Variants in PRR16 observed in about 807,000 individuals in gnomAD.
PRR16 encodes protein Largen.
PRR16 carries 6 observed loss-of-function variants against 18.2 expected under a neutral mutation model. The observed-to-expected ratio is 0.33, with a 90% CI of 0.18 to 0.65. The LOEUF is 0.65. Among genes scored for constraint, PRR16 ranks in the 30% least tolerant of loss-of-function variants. The pLI, the probability that PRR16 is intolerant of heterozygous loss-of-function variation, is 0.74. For missense variants in PRR16, 412 were observed against 376.6 expected (o/e 1.09, Z -0.78); for synonymous variants, 151 against 147.8 (o/e 1.02, Z -0.16).
At chr5:120,649,990 T>G (rs1755719768) in intron 1 of PRR16, among the ~76,000 whole-genome samples, 1 of 151,910 alleles carries the variant, frequency 6.6e-6, no homozygotes, top group Admixed American at 6.6e-5. Context: ...GAGGCCTAGG[T>G]GGGCAGATCA....
chr5:120,550,644 GA>G (rs1752224454), intron 1 of PRR16, among the ~76,000 whole-genome samples: 1 of 151,946 alleles, frequency 6.6e-6, no homozygotes, highest in African/African-American at 2.4e-5. Context: ...TTCCCCACTG[GA>G]AAATAGAAAC....
the PRR16 span, among the ~76,000 whole-genome samples, chr5:120,759,794 A>T: frequency 2.0e-5 from 3 of 152,030 alleles, no homozygotes; most frequent in Admixed American, 2.0e-4. Flanking sequence ...TGACCTAAGT[A>T]ATTTTGGATA....
chr5:120,628,838 T>C (rs1281403361), intron 1 of PRR16, among the ~76,000 whole-genome samples: 2 of 152,066 alleles, frequency 1.3e-5, no homozygotes, highest in Non-Finnish European at 2.9e-5. Context: ...TTGTTTGAAA[T>C]AAACACATAT....
chr5:120,708,622 G>A, the PRR16 span, among the ~76,000 whole-genome samples: 30 of 152,196 alleles, frequency 2.0e-4, no homozygotes, highest in Admixed American at 4.6e-4. Context: ...ATTTTATGAA[G>A]TAAGTGTACA....
At chr5:120,530,639 A>G (rs1372344209) in intron 1 of PRR16, among the ~76,000 whole-genome samples, 1 of 152,172 alleles carries the variant, frequency 6.6e-6, no homozygotes, top group Non-Finnish European at 1.5e-5. Context: ...ATGGTCATAA[A>G]GCAGCATATT....
At chr5:120,705,279 C>A in the PRR16 span, among the ~76,000 whole-genome samples, 2 of 151,934 alleles carry the variant, frequency 1.3e-5, no homozygotes, top group Non-Finnish European at 2.9e-5. Flanking sequence ...TCTGATGGTG[C>A]AGTTAAGCTA....
At chr5:120,682,576 C>T (rs2150154684) in intron 1 of PRR16, among the ~76,000 whole-genome samples, 1 of 152,250 alleles carries the variant, frequency 6.6e-6, no homozygotes, top group South Asian at 2.1e-4. Context: ...CCTGTTTTCT[C>T]TCATTTGCTG....
At chr5:120,663,696 T>C (rs1190705986) in intron 1 of PRR16, among the ~76,000 whole-genome samples, 1 of 152,204 alleles carries the variant, frequency 6.6e-6, no homozygotes, top group East Asian at 1.9e-4. Context: ...CTCTCTGTTA[T>C]ACACATTCAT....
chr5:120,755,534 T>C, the PRR16 span, among the ~76,000 whole-genome samples: 40,566 of 152,014 alleles, frequency 0.27, 5,677 homozygotes, highest in Non-Finnish European at 0.31. Flanking sequence ...TCTCTAGCTG[T>C]GTCCATGTTA....
chr5:120,517,270 C>T (rs569340137), intron 1 of PRR16, among the ~76,000 whole-genome samples: 2 of 152,122 alleles, frequency 1.3e-5, no homozygotes, highest in Admixed American at 6.6e-5. Flanking sequence ...ACAATCAATG[C>T]ATGAATTCAA....
chr5:120,516,707 C>T (rs1221511617), intron 1 of PRR16, among the ~76,000 whole-genome samples: 3 of 152,066 alleles, frequency 2.0e-5, no homozygotes, highest in East Asian at 1.9e-4. Context: ...CAGCAGAATA[C>T]ACTGAAAAAC....
chr5:120,767,900 C>T, the PRR16 span, among the ~76,000 whole-genome samples: 9 of 151,830 alleles, frequency 5.9e-5, no homozygotes, highest in Non-Finnish European at 1.0e-4. Context: ...TGCTACTCCA[C>T]TTTTATGATA....
At chr5:120,770,950 T>TCACACACA in the PRR16 span, among the ~76,000 whole-genome samples, 2 of 148,870 alleles carry the variant, frequency 1.3e-5, no homozygotes, top group South Asian at 2.1e-4. Flanking sequence ...TCTCTCTCTC[T>TCACACACA]CACACACACA....
the PRR16 span, among the ~76,000 whole-genome samples, chr5:120,770,245 AAC>A: frequency 0.26 from 39,853 of 151,592 alleles, 5,547 homozygotes; most frequent in Non-Finnish European, 0.3. Flanking sequence ...CATAAAGACA[AAC>A]ACATAAGCCA....
chr5:120,569,596 A>C (rs1580735266), intron 1 of PRR16, among the ~76,000 whole-genome samples: 2 of 152,270 alleles, frequency 1.3e-5, no homozygotes, highest in East Asian at 3.9e-4. Flanking sequence ...ACATGAGAAG[A>C]TGTCCATTAA....
At chr5:120,786,838 T>C in the PRR16 span, among the ~76,000 whole-genome samples, 1 of 152,086 alleles carries the variant, frequency 6.6e-6, no homozygotes, top group Admixed American at 6.6e-5. Flanking sequence ...TAACTTGACA[T>C]TTAATGCTTC....
the PRR16 span, among the ~76,000 whole-genome samples, chr5:120,733,830 C>T: frequency 6.6e-6 from 1 of 151,898 alleles, no homozygotes; most frequent in Non-Finnish European, 1.5e-5. Flanking sequence ...CAATGTATCC[C>T]TTGGTTTGAA....
intron 1 of PRR16, among the ~76,000 whole-genome samples, chr5:120,661,637 T>C (rs10044588): frequency 0.42 from 64,207 of 151,676 alleles, 14,512 homozygotes; most frequent in East Asian, 0.86. Context: ...TTCTAATTTA[T>C]TTAAATTTAA....
At chr5:120,519,485 A>C (rs760746536) in intron 1 of PRR16, among the ~76,000 whole-genome samples, 1 of 152,148 alleles carries the variant, frequency 6.6e-6, no homozygotes, top group Non-Finnish European at 1.5e-5. Flanking sequence ...AATTTTATAT[A>C]TAAGTAATTG....
Sources: allele counts gnomAD v4.1 joint callset (sites outside exome capture counted in the v4.1 genomes callset), GRCh38; gene constraint gnomAD v4.1.1; transcripts MANE v1.5; gene names NCBI Gene and HGNC (gene_info 2026-07-23, HGNC 2026-07-21).